The following DNAH17 variants were observed in gnomAD, a reference collection of about 807,000 sequenced individuals.
DNAH17 encodes the protein axonemal beta dynein heavy chain 17.
Under a neutral mutation model 485.6 loss-of-function variants are expected in DNAH17, and 376 were observed. The ratio of observed to expected loss-of-function variants is 0.77; its 90% CI spans 0.71 to 0.84. DNAH17 has a LOEUF of 0.84. Among genes scored for constraint, DNAH17 ranks in the 40% least tolerant of loss-of-function variants. The probability of loss-of-function intolerance (pLI) is 0.00; values close to 1 mark genes in which losing one functional copy is unlikely to be tolerated. For missense variants in DNAH17, 6,370 were observed against 5,839.3 expected (o/e 1.09, Z -2.96); for synonymous variants, 3,031 against 2,405.9 (o/e 1.26, Z -7.60).
At chr17:78,461,364 C>T (rs566856608) in intron 58 of DNAH17, among the ~76,000 whole-genome samples, 180 bp downstream of exon 58, 4 of 152,136 alleles carry the variant, frequency 2.6e-5, no homozygotes, top group Non-Finnish European at 5.9e-5. Context: ...TGCTTCTGAG[C>T]GGGGGCCCTC....
At chr17:78,555,806 T>C (rs1029770924) in intron 14 of DNAH17, among the ~76,000 whole-genome samples, 2 of 152,126 alleles carry the variant, frequency 1.3e-5, no homozygotes, top group African/African-American at 4.8e-5. Flanking sequence ...GTGGGTCTCA[T>C]CCAACCGTTG....
chr17:78,532,035 GCT>G (rs2091254481), intron 20 of DNAH17, among the ~76,000 whole-genome samples: 1 of 152,164 alleles, frequency 6.6e-6, no homozygotes, highest in South Asian at 2.1e-4. Context: ...CCTTGATGGG[GCT>G]CTCACAGGGT....
At chr17:78,536,870 C>T (rs1010681941) in intron 19 of DNAH17, among the ~76,000 whole-genome samples, 3 of 151,742 alleles carry the variant, frequency 2.0e-5, no homozygotes, top group African/African-American at 7.3e-5. Context: ...AGAGGTCACA[C>T]GATGTCATTT....
intron 1 of DNAH17, among the ~76,000 whole-genome samples, chr17:78,575,570 C>T (rs1396353681): frequency 1.3e-5 from 2 of 152,172 alleles, no homozygotes; most frequent in African/African-American, 2.4e-5. Flanking sequence ...GCTCAGCGCT[C>T]AGTCTTAGCC....
chr17:78,462,261 TG>T (rs1168723279), intron 57 of DNAH17, among the ~76,000 whole-genome samples: 4 of 9,052 alleles, frequency 4.4e-4, no homozygotes, highest in African/African-American at 1.8e-3. Flanking sequence ...GGTAGGGGGG[TG>T]GGGGGGTGGG....
intron 70 of DNAH17, 134 bp downstream of exon 70, chr17:78,445,424 C>T (rs973127643): frequency 4.6e-5 from 59 of 1,269,272 alleles, no homozygotes; most frequent in Non-Finnish European, 6.0e-5. Context: ...TCCCTATGTG[C>T]GGGGCCTCCT....
rs2091474357 is a variant in DNAH17 at position 78,539,861 on chromosome 17, C to G, written c.2552G>C (p.Arg851Thr). 3 of 1,595,008 alleles carry G rather than the reference C, an allele frequency of 1.9e-6. No individual in the cohort carries two copies. The highest frequency in any genetic ancestry group is 1.8e-5 in the Admixed American group (1 of 54,824). ...CCAGGGCAGGCTCAGTGTGTCTGCC[C>G]TGAATAGTTCTGCGTTTTCCTGCAA... ...AMVAENAELF[R>T]ADTLSLPWKD... is the part of the protein sequence containing the mutation. Residue 851 changes from arginine (R) to threonine (T), a missense_variant, in exon 18 of 81, where the codon AGG (arginine) becomes ACG (threonine). By Grantham distance (71) the Arg-to-Thr change is moderately conservative. Coordinates refer to ENST00000389840, the MANE Select transcript of DNAH17 (RefSeq NM_173628.4).
At chr17:78,501,456 C>G (rs936359056) in intron 34 of DNAH17, 112 bp from the exon 35 acceptor site, 2 of 1,328,292 alleles carry the variant, frequency 1.5e-6, no homozygotes, top group African/African-American at 1.5e-5. Context: ...GGAACCCTCC[C>G]TGGCCCTCTT....
intron 16 of DNAH17, among the ~76,000 whole-genome samples, chr17:78,546,280 A>G (rs1455225606): frequency 1.3e-5 from 2 of 152,248 alleles, no homozygotes; most frequent in Non-Finnish European, 2.9e-5. Context: ...GAAGTTTCAT[A>G]TGGTTTCACC....
chr17:78,459,644 G>A lies in DNAH17; in HGVS notation c.9653+140C>T, dbSNP rs1333507556. On this transcript the variant is annotated intron_variant, in intron 60 of 80. Transcript: ENST00000389840. ...TGAGCTTGTCAGCTGTGTTCTTGGGGTGCTGTATGGGGAAGGGGCTGCCTA... is the reference window on the plus strand; with the variant it reads ...TGAGCTTGTCAGCTGTGTTCTTGGGATGCTGTATGGGGAAGGGGCTGCCTA... 4.6e-6 allele frequency: 4 copies of A among 877,646 alleles called. No homozygotes were observed. The African/African-American group carries it at 6.7e-5, about 15-fold the overall frequency. The allele number at this position is 877,646 out of a possible 1,614,324, so 54.4% of individuals were successfully genotyped here.
chr17:78,438,814 A>G (rs566806569), intron 73 of DNAH17, among the ~76,000 whole-genome samples: 2 of 152,020 alleles, frequency 1.3e-5, no homozygotes, highest in Non-Finnish European at 2.9e-5. Context: ...TTGTTTAAAT[A>G]ATCTCTGTTT....
chr17:78,461,753 G>A (rs369918849), intron 57 of DNAH17, 45 bp from the exon 58 acceptor site: 23 of 1,569,678 alleles, frequency 1.5e-5, no homozygotes, highest in Middle Eastern at 3.4e-4. Context: ...GGCCGCAGCC[G>A]ACACACGCCG....
chr17:78,573,801 T>C (rs1360234686), intron 2 of DNAH17, among the ~76,000 whole-genome samples: 1 of 149,202 alleles, frequency 6.7e-6, no homozygotes, highest in African/African-American at 2.4e-5. Flanking sequence ...CTTCAACCTC[T>C]AGCCTCCAGG....
intron 62 of DNAH17, among the ~76,000 whole-genome samples, chr17:78,456,819 C>G (rs2087823971): frequency 6.6e-6 from 1 of 152,128 alleles, no homozygotes; most frequent in Non-Finnish European, 1.5e-5. Flanking sequence ...GGGCACCACC[C>G]TGAAGACCAG....
chr17:78,558,650 G>T (rs909331912), intron 13 of DNAH17, among the ~76,000 whole-genome samples: 27 of 152,224 alleles, frequency 1.8e-4, no homozygotes, highest in African/African-American at 6.5e-4. Flanking sequence ...ATCACCATGG[G>T]TGGCTGACAT....
At chr17:78,552,858 G>T in intron 14 of DNAH17, 53 bp from the exon 15 acceptor site, 2 of 1,300,194 alleles carry the variant, frequency 1.5e-6, no homozygotes, top group African/African-American at 1.4e-5. Flanking sequence ...ATTTTAAATT[G>T]TTCTCTGGTA....
rs2092409970 is a variant in DNAH17, at chr17:78,574,755, G to A, written c.303C>T (p.Ile101=). 6.2e-7 allele frequency: 1 copy of A among 1,613,488 alleles called. No homozygotes were observed. Among genetic ancestry groups the A allele is most frequent in the Non-Finnish European group, 8.5e-7 (1 of 1,179,586 alleles). ...TCAGCTGGTCCACGGGTGTGGGGCT[G>A]ATGTCGCCGTAAAGGAGCCGGGCCC... ...NYRARLLYGD[I]SPTPVDQLIA... Residue 101 remains isoleucine (I), a synonymous_variant, in exon 2 of 81, where the codon ATC becomes ATT. Coordinates refer to ENST00000389840, the MANE Select transcript of DNAH17 (RefSeq NM_173628.4).
At chr17:78,576,195 T>G (rs1340579843) in intron 1 of DNAH17, among the ~76,000 whole-genome samples, 1 of 152,220 alleles carries the variant, frequency 6.6e-6, no homozygotes, top group East Asian at 1.9e-4. Flanking sequence ...CTATTGCTTT[T>G]AAGTTTGTAA....
chr17:78,429,719 G>T (rs970152373), intron 75 of DNAH17, among the ~76,000 whole-genome samples: 1 of 152,154 alleles, frequency 6.6e-6, no homozygotes, highest in African/African-American at 2.4e-5. Context: ...TGCCCTTCAC[G>T]GTCCAATTTC....
Sources: allele counts gnomAD v4.1 joint callset (sites outside exome capture counted in the v4.1 genomes callset), GRCh38; gene constraint gnomAD v4.1.1; transcripts MANE v1.5; gene names NCBI Gene and HGNC (gene_info 2026-07-23, HGNC 2026-07-21).